GDPD5: variants seen among roughly 807,000 people sequenced by gnomAD.
GDPD5 encodes glycerophosphodiester phosphodiesterase 2.
Under a neutral mutation model 75.1 loss-of-function variants are expected in GDPD5, and 48 were observed. That is an observed-to-expected ratio of 0.64 (90% CI 0.51 to 0.81). GDPD5 has a LOEUF of 0.81. GDPD5 is among the 40% of genes least tolerant of loss of function. GDPD5 has a pLI of 0.00. For missense variants in GDPD5, 706 were observed against 822.6 expected, an observed-to-expected ratio of 0.86 and a Z score of 1.73; for synonymous variants, 336 against 339.0, an observed-to-expected ratio of 0.99 and a Z score of 0.10.
chr11:75,505,977 A>T (rs1223059856), intron 1 of GDPD5, among the ~76,000 whole-genome samples: 1 of 152,104 alleles, frequency 6.6e-6, no homozygotes, highest in Non-Finnish European at 1.5e-5. Context: ...TCTCCCTCAG[A>T]AGGAATGGGG....
chr11:75,439,431 G>A (rs1948725177), intron 15 of GDPD5: 2 of 441,380 alleles, frequency 4.5e-6, no homozygotes, highest in Non-Finnish European at 9.1e-6. Flanking sequence ...AGCAGGATGG[G>A]ACAGAGAGAG....
At chr11:75,474,595 A>G (rs549226020) in intron 3 of GDPD5, among the ~76,000 whole-genome samples, 3 of 151,928 alleles carry the variant, frequency 2.0e-5, no homozygotes, top group South Asian at 2.1e-4. Context: ...TTTATTTGTT[A>G]AGCGTGTATC....
chr11:75,467,994 G>C (rs1949559409), intron 3 of GDPD5, among the ~76,000 whole-genome samples: 1 of 152,116 alleles, frequency 6.6e-6, no homozygotes, highest in Non-Finnish European at 1.5e-5. Flanking sequence ...GACCTCATTA[G>C]CAGCGGGGGC....
chr11:75,439,994 T>C (rs1203709433), intron 14 of GDPD5, 33 bp from the exon 15 acceptor site: 1 of 1,542,960 alleles, frequency 6.5e-7, no homozygotes, highest in Non-Finnish European at 8.9e-7. Context: ...CAACTTCCAG[T>C]CATGGCCAGT....
chr11:75,439,649 T>C (rs951112400), intron 15 of GDPD5, among the ~76,000 whole-genome samples: 10 of 152,150 alleles, frequency 6.6e-5, no homozygotes, highest in Non-Finnish European at 8.8e-5. Flanking sequence ...TAAGCCCACA[T>C]AGCCACCCAA....
intron 1 of GDPD5, among the ~76,000 whole-genome samples, chr11:75,511,565 C>T (rs530027396): frequency 1.2e-4 from 19 of 152,244 alleles, no homozygotes; most frequent in African/African-American, 4.3e-4. Flanking sequence ...TAGGGCTCCT[C>T]AGGGGACAGT....
intron 6 of GDPD5, among the ~76,000 whole-genome samples, chr11:75,456,276 G>A (rs992685354): frequency 2.6e-5 from 4 of 152,140 alleles, no homozygotes; most frequent in East Asian, 1.9e-4. Context: ...TCCTGGGAGC[G>A]GTGGGAGTGG....
chr11:75,517,014 CT>C (rs1490142190), intron 1 of GDPD5, among the ~76,000 whole-genome samples: 4 of 152,200 alleles, frequency 2.6e-5, no homozygotes, highest in African/African-American at 9.6e-5. Flanking sequence ...AGATCCACTC[CT>C]TATCTATGAG....
chr11:75,483,061 C>T (rs1482455004), intron 2 of GDPD5, among the ~76,000 whole-genome samples: 2 of 152,222 alleles, frequency 1.3e-5, no homozygotes, highest in African/African-American at 4.8e-5. Flanking sequence ...CCCTCACCAG[C>T]CCATCCCCTC....
At chr11:75,483,427 T>A (rs1949960978) in intron 2 of GDPD5, among the ~76,000 whole-genome samples, 1 of 152,066 alleles carries the variant, frequency 6.6e-6, no homozygotes, top group Non-Finnish European at 1.5e-5. Context: ...CATCCTCACA[T>A]CCCGGGACGC....
intron 1 of GDPD5, among the ~76,000 whole-genome samples, chr11:75,496,779 C>CTTTCTTTTTTTTT (rs58663409): frequency 4.6e-3 from 473 of 103,160 alleles, no homozygotes; most frequent in Non-Finnish European, 6.0e-3. Context: ...TTCTTTCTTT[C>CTTTCTTTTTTTTT]TTTTTTTTTT....
chr11:75,474,115 C>A (rs1949731812), intron 3 of GDPD5, among the ~76,000 whole-genome samples: 1 of 152,208 alleles, frequency 6.6e-6, no homozygotes, highest in African/African-American at 2.4e-5. Context: ...TCAGTGCAGG[C>A]TGTGCCCTCA....
At chr11:75,468,679 G>GCC (rs71036054) in intron 3 of GDPD5, among the ~76,000 whole-genome samples, 6,871 of 144,030 alleles carry the variant, frequency 0.048, 226 homozygotes, top group East Asian at 0.11. Flanking sequence ...CTCCCCCGAC[G>GCC]CCCCCCCCCC....
At chr11:75,438,022 A>G (rs1185402847) in intron 15 of GDPD5, 1 of 152,236 alleles carries the variant, frequency 6.6e-6, no homozygotes, top group African/African-American at 2.4e-5. Flanking sequence ...CAAGAAACCA[A>G]CTGTGAGTTA....
intron 15 of GDPD5, chr11:75,439,305 G>A (rs557245363): frequency 6.6e-6 from 3 of 455,904 alleles, no homozygotes; most frequent in African/African-American, 6.0e-5. Flanking sequence ...GGAGAAAGAG[G>A]AACAGAAGGA....
intron 6 of GDPD5, chr11:75,455,102 G>A: frequency 3.1e-6 from 1 of 326,628 alleles, no homozygotes; most frequent in Non-Finnish European, 6.1e-6. Flanking sequence ...GCTGGCACCA[G>A]CATGGACAAT....
intron 1 of GDPD5, among the ~76,000 whole-genome samples, chr11:75,513,095 C>T (rs971275242): frequency 3.9e-5 from 6 of 152,106 alleles, no homozygotes; most frequent in East Asian, 3.9e-4. Flanking sequence ...AATGAGGTAT[C>T]GGGTCACTTG....
chr11:75,501,725 C>T (rs1950308400), intron 1 of GDPD5, among the ~76,000 whole-genome samples: 1 of 152,168 alleles, frequency 6.6e-6, no homozygotes, highest in African/African-American at 2.4e-5. Flanking sequence ...AGGAGCCGCT[C>T]TCCACAGACA....
intron 9 of GDPD5, chr11:75,448,670 C>T: frequency 9.1e-7 from 1 of 1,104,518 alleles, no homozygotes; most frequent in Non-Finnish European, 1.1e-6. Flanking sequence ...ACCCCAGGCC[C>T]CACACTCAGC....
Sources: allele counts gnomAD v4.1 joint callset (sites outside exome capture counted in the v4.1 genomes callset), GRCh38; gene constraint gnomAD v4.1.1; transcripts MANE v1.5; gene names NCBI Gene and HGNC (gene_info 2026-07-23, HGNC 2026-07-21).